Variants in ROBO1 observed in about 807,000 individuals in gnomAD.
ROBO1 encodes roundabout homolog 1.
ROBO1 carries 149 observed loss-of-function variants against 195.9 expected under a neutral mutation model. The observed-to-expected ratio is 0.76, with a 90% CI of 0.67 to 0.87. The LOEUF (loss-of-function observed/expected upper bound fraction) is 0.87. ROBO1 is among the 40% of genes least tolerant of loss of function. The pLI, the probability that ROBO1 is intolerant of heterozygous loss-of-function variation, is 0.00. For synonymous variants in ROBO1, 816 were observed against 733.2 expected (o/e 1.11, Z -1.82); for missense variants, 1,933 against 2,068.3 (o/e 0.93, Z 1.27).
intron 27 of ROBO1, among the ~76,000 whole-genome samples, chr3:78,616,334 GT>G (rs1357636696): frequency 1.3e-5 from 2 of 151,996 alleles, no homozygotes; most frequent in Admixed American, 1.3e-4. Context: ...AGATAATTAG[GT>G]TTGCATAGTT....
intron 2 of ROBO1, among the ~76,000 whole-genome samples, chr3:79,370,014 T>C (rs2036131697): frequency 6.6e-6 from 1 of 152,190 alleles, no homozygotes; most frequent in African/African-American, 2.4e-5. Context: ...GTATTTTCCA[T>C]GTTTACATTT....
At chr3:79,478,973 C>T (rs576883681) in intron 2 of ROBO1, among the ~76,000 whole-genome samples, 10 of 152,204 alleles carry the variant, frequency 6.6e-5, no homozygotes, top group Admixed American at 2.0e-4. Context: ...ATAATATGTA[C>T]TCCACTAAGC....
intron 2 of ROBO1, among the ~76,000 whole-genome samples, chr3:79,488,232 T>C: frequency 6.6e-6 from 1 of 152,212 alleles, no homozygotes; most frequent in East Asian, 1.9e-4. Flanking sequence ...ACTTTAAATA[T>C]AATTTGCATG....
chr3:79,443,005 G>A (rs1423181604), intron 2 of ROBO1, among the ~76,000 whole-genome samples: 1 of 152,188 alleles, frequency 6.6e-6, no homozygotes. Flanking sequence ...AAGTTCAGAT[G>A]TCTTTGTCAT....
chr3:79,130,034 A>G (rs1256915309), intron 2 of ROBO1, among the ~76,000 whole-genome samples: 2 of 72,734 alleles, frequency 2.7e-5, no homozygotes, highest in Non-Finnish European at 5.5e-5. Flanking sequence ...TGTTCCATTG[A>G]TCTATATCTC....
intron 1 of ROBO1, among the ~76,000 whole-genome samples, chr3:79,689,689 T>C (rs1947243218): frequency 6.6e-6 from 1 of 151,642 alleles, no homozygotes. Flanking sequence ...TTTCCATCTA[T>C]AATTCTATTT....
chr3:78,821,765 T>G (rs1017149181), intron 4 of ROBO1, among the ~76,000 whole-genome samples: 1 of 152,178 alleles, frequency 6.6e-6, no homozygotes, highest in Non-Finnish European at 1.5e-5. Flanking sequence ...AAATTTCACA[T>G]AATTCAATTC....
At chr3:78,701,401 C>T (rs2081418025) in intron 8 of ROBO1, among the ~76,000 whole-genome samples, 1 of 152,058 alleles carries the variant, frequency 6.6e-6, no homozygotes. Flanking sequence ...CGATGTGAGG[C>T]AACATTTTAG....
At chr3:79,212,328 T>C (rs2081980943) in intron 2 of ROBO1, among the ~76,000 whole-genome samples, 2 of 152,310 alleles carry the variant, frequency 1.3e-5, no homozygotes, top group South Asian at 4.1e-4. Context: ...GATAAGAAAA[T>C]ACTCAGCCTC....
At chr3:79,576,403 T>C (rs1022884687) in intron 2 of ROBO1, among the ~76,000 whole-genome samples, 3 of 152,016 alleles carry the variant, frequency 2.0e-5, no homozygotes, top group Non-Finnish European at 4.4e-5. Flanking sequence ...TACCAGTATA[T>C]ACGTTTTAAA....
At chr3:79,687,395 C>T (rs1032022429) in intron 1 of ROBO1, among the ~76,000 whole-genome samples, 22 of 152,092 alleles carry the variant, frequency 1.4e-4, no homozygotes, top group Non-Finnish European at 2.5e-4. Context: ...AACTAAAGAA[C>T]GACCACACAG....
intron 2 of ROBO1, among the ~76,000 whole-genome samples, chr3:79,578,171 G>A (rs1462242380): frequency 1.3e-5 from 2 of 152,018 alleles, no homozygotes. Flanking sequence ...AAGATATAGA[G>A]CAACAGGAAC....
At chr3:78,983,259 A>G (rs2077037012) in intron 3 of ROBO1, among the ~76,000 whole-genome samples, 1 of 152,218 alleles carries the variant, frequency 6.6e-6, no homozygotes, top group Admixed American at 6.5e-5. Flanking sequence ...GAAATTTGAA[A>G]CTACGTAACA....
At chr3:78,668,990 C>T (rs1307368026) in intron 11 of ROBO1, among the ~76,000 whole-genome samples, 1 of 152,086 alleles carries the variant, frequency 6.6e-6, no homozygotes, top group Non-Finnish European at 1.5e-5. Flanking sequence ...ATATATTTAA[C>T]TATATGGATA....
At chr3:79,040,663 A>T (rs1308311073) in intron 3 of ROBO1, among the ~76,000 whole-genome samples, 1 of 152,222 alleles carries the variant, frequency 6.6e-6, no homozygotes, top group Non-Finnish European at 1.5e-5. Flanking sequence ...TGCTGTTGTT[A>T]TTAGAGTGTT....
chr3:78,866,359 G>A (rs574604929), intron 4 of ROBO1, among the ~76,000 whole-genome samples: 9 of 152,174 alleles, frequency 5.9e-5, no homozygotes, highest in Middle Eastern at 3.4e-3. Context: ...GGTGTCCCTC[G>A]GATCACCAGT....
Position 79,054,994 on chromosome 3 carries a change from G to C in ROBO1, c.172+70462C>G, listed in dbSNP as rs551039422. Among the ~76,000 whole-genome samples, 12 of 152,208 alleles carry C rather than the reference G, an allele frequency of 7.9e-5. No homozygotes were observed. In the East Asian group the frequency reaches 1.9e-3, roughly 25 times the overall value. ...CAATGCTTGTCCACCTCCACAGTAG[G>C]GGGTAGGGTGGTCAATCTCTGTAGC... On this transcript the variant is annotated intron_variant, in intron 3 of 30. Transcript: ENST00000464233.
At chr3:78,630,928 C>T (rs1206755284) in intron 25 of ROBO1, among the ~76,000 whole-genome samples, 1 of 152,124 alleles carries the variant, frequency 6.6e-6, no homozygotes, top group Admixed American at 6.5e-5. Context: ...TAATATGTAT[C>T]ATTTTTATAT....
At chr3:79,615,327 T>C (rs1232143690) in intron 1 of ROBO1, among the ~76,000 whole-genome samples, 1 of 152,164 alleles carries the variant, frequency 6.6e-6, no homozygotes, top group Non-Finnish European at 1.5e-5. Context: ...ACCTATGACC[T>C]AGAAGCCTCC....
Sources: gnomAD v4.1 joint callset for allele counts (sites outside exome capture counted in the v4.1 genomes callset) on GRCh38, gnomAD v4.1.1 for gene constraint, MANE v1.5 for transcripts, NCBI Gene and HGNC (gene_info 2026-07-23, HGNC 2026-07-21) for gene names.